Variants in ZCCHC17 observed in about 807,000 individuals in gnomAD.
The protein encoded by ZCCHC17 is zinc finger CCHC-type containing 17.
ZCCHC17 carries 18 observed loss-of-function variants against 30.6 expected under a neutral mutation model. The ratio of observed to expected loss-of-function variants is 0.59; its 90% confidence interval spans 0.41 to 0.87. The LOEUF (loss-of-function observed/expected upper bound fraction) is 0.87. Ranked by LOEUF, ZCCHC17 falls within the 40% of genes least tolerant of loss-of-function variation. ZCCHC17 has a pLI of 0.00. For missense variants in ZCCHC17, 263 were observed against 284.2 expected (o/e 0.93, Z 0.54); for synonymous variants, 88 against 92.4 (o/e 0.95, Z 0.27).
At chr1:31,315,792 T>C (rs1326373733) in intron 2 of ZCCHC17, among the ~76,000 whole-genome samples, 1 of 152,198 alleles carries the variant, frequency 6.6e-6, no homozygotes, top group Admixed American at 6.5e-5. Flanking sequence ...CCTGAGCTAT[T>C]TGACTAATTA....
chr1:31,357,814 G>T (rs2148480546), intron 7 of ZCCHC17, among the ~76,000 whole-genome samples: 1 of 149,888 alleles, frequency 6.7e-6, no homozygotes, highest in East Asian at 2.0e-4. Flanking sequence ...GGAGTGCAAT[G>T]GTGCGATCTC....
chr1:31,355,179 A>T (rs1191882862), intron 7 of ZCCHC17, among the ~76,000 whole-genome samples: 4 of 20,964 alleles, frequency 1.9e-4, no homozygotes, highest in African/African-American at 2.3e-4. Context: ...CATCTCAATT[A>T]AAAAAAAAAA....
intron 3 of ZCCHC17, among the ~76,000 whole-genome samples, chr1:31,330,609 A>G (rs1294659217): frequency 6.6e-6 from 1 of 152,188 alleles, no homozygotes; most frequent in African/African-American, 2.4e-5. Flanking sequence ...TAAGGATAAT[A>G]TAGATTAATA....
chr1:31,323,196 C>T (rs1365000503), intron 3 of ZCCHC17, among the ~76,000 whole-genome samples: 7 of 152,258 alleles, frequency 4.6e-5, no homozygotes, highest in Admixed American at 4.6e-4. Flanking sequence ...GGACAAAGAT[C>T]GAATATGTAT....
chr1:31,319,012 G>A (rs762752225), intron 2 of ZCCHC17, 97 bp from the exon 3 acceptor site: 15 of 1,380,776 alleles, frequency 1.1e-5, no homozygotes, highest in Non-Finnish European at 1.3e-5. Flanking sequence ...TACAGAGGCA[G>A]TCAATATGAA....
chr1:31,312,323 A>G (rs559854158), intron 2 of ZCCHC17, among the ~76,000 whole-genome samples: 2 of 152,266 alleles, frequency 1.3e-5, no homozygotes, highest in South Asian at 2.1e-4. Flanking sequence ...ACTAAGCTCC[A>G]TGAGGGCTGA....
chr1:31,346,775 T>C (rs1557453684), intron 6 of ZCCHC17, 35 bp downstream of exon 6: 6 of 1,613,232 alleles, frequency 3.7e-6, no homozygotes, highest in Non-Finnish European at 5.1e-6. Context: ...CACGTTTCTC[T>C]CCTTGTGGAT....
chr1:31,347,800 C>T (rs963273132), intron 6 of ZCCHC17, among the ~76,000 whole-genome samples: 5 of 152,002 alleles, frequency 3.3e-5, no homozygotes, highest in Admixed American at 6.6e-5. Context: ...TTTGTAGAGA[C>T]GGGGTTTCCC....
At chr1:31,315,150 G>A (rs929426500) in intron 2 of ZCCHC17, among the ~76,000 whole-genome samples, 3 of 152,102 alleles carry the variant, frequency 2.0e-5, no homozygotes, top group Admixed American at 2.0e-4. Context: ...GGCCATGATT[G>A]TCTCATATGT....
intron 3 of ZCCHC17, among the ~76,000 whole-genome samples, chr1:31,331,302 G>C (rs1305480916): frequency 2.0e-5 from 3 of 151,750 alleles, no homozygotes; most frequent in Admixed American, 2.0e-4. Context: ...CACCATGCCT[G>C]GCTAATTTTT....
intron 3 of ZCCHC17, among the ~76,000 whole-genome samples, chr1:31,322,272 C>T (rs1646878698): frequency 6.6e-6 from 1 of 152,178 alleles, no homozygotes; most frequent in Non-Finnish European, 1.5e-5. Flanking sequence ...CTTAAGGGCT[C>T]AGTCCCACAT....
At chr1:31,346,522 T>C in intron 5 of ZCCHC17, 118 bp from the exon 6 acceptor site, 1 of 1,214,182 alleles carries the variant, frequency 8.2e-7, no homozygotes, top group South Asian at 1.9e-5. Context: ...TGTCAAAAAC[T>C]TTCTTTCTTT....
intron 2 of ZCCHC17, among the ~76,000 whole-genome samples, chr1:31,313,324 T>C (rs977883909): frequency 6.6e-6 from 1 of 152,146 alleles, no homozygotes; most frequent in African/African-American, 2.4e-5. Context: ...TCTGCCCACC[T>C]CAGCCTCCCA....
intron 7 of ZCCHC17, among the ~76,000 whole-genome samples, chr1:31,356,447 C>T (rs1639645688): frequency 6.6e-6 from 1 of 152,174 alleles, no homozygotes; most frequent in South Asian, 2.1e-4. Flanking sequence ...GTTGAGGAAC[C>T]ACCAGAAATA....
At position 31,327,113 on chromosome 1, in the gene ZCCHC17, A is replaced by G. The variant is rs1202113967; in HGVS notation, c.124+7947A>G. On this transcript the variant is annotated intron_variant, in intron 3 of 7. Coordinates refer to ENST00000344147, the MANE Select transcript of ZCCHC17 (RefSeq NM_016505.4). Reference sequence around the variant, plus strand: ...TTATCCAATATAACTTTCTGTGATGATGAAAATATTCCTTATGTTCTCTGA... The same window carrying G: ...TTATCCAATATAACTTTCTGTGATGGTGAAAATATTCCTTATGTTCTCTGA... Among the ~76,000 whole-genome samples, 3 of 152,226 alleles carry G rather than the reference A, an allele frequency of 2.0e-5. No individual in the cohort carries two copies. In the East Asian group the frequency reaches 5.8e-4, roughly 29 times the overall value.
At chr1:31,309,424 C>T (rs777987954) in intron 1 of ZCCHC17, among the ~76,000 whole-genome samples, 23 of 152,128 alleles carry the variant, frequency 1.5e-4, no homozygotes, top group Non-Finnish European at 1.9e-4. Flanking sequence ...AAGTGATTCT[C>T]CTCCCTCAGC....
intron 2 of ZCCHC17, among the ~76,000 whole-genome samples, chr1:31,314,992 G>A (rs536936030): frequency 1.1e-4 from 16 of 152,240 alleles, no homozygotes; most frequent in African/African-American, 3.9e-4. Context: ...ACTGAATTGA[G>A]TTATAGGAGG....
intron 7 of ZCCHC17, among the ~76,000 whole-genome samples, chr1:31,362,174 C>CT (rs59924474): frequency 0.061 from 9,238 of 152,252 alleles, 538 homozygotes; most frequent in South Asian, 0.21. Context: ...GTTCAGATGA[C>CT]TTGCCCACGG....
intron 3 of ZCCHC17, among the ~76,000 whole-genome samples, chr1:31,336,948 A>AATCC (rs1347685266): frequency 3.3e-5 from 5 of 151,934 alleles, no homozygotes; most frequent in African/African-American, 7.3e-5. Context: ...TTCTGGGATT[A>AATCC]CAGGCATGAG....
Sources: allele counts gnomAD v4.1 joint callset (sites outside exome capture counted in the v4.1 genomes callset), GRCh38; gene constraint gnomAD v4.1.1; transcripts MANE v1.5; gene names NCBI Gene and HGNC (gene_info 2026-07-23, HGNC 2026-07-21).